Variants in MICAL3 observed in about 807,000 individuals in gnomAD.
The protein encoded by MICAL3 is [F-actin]-monooxygenase MICAL3.
In MICAL3, 62 loss-of-function variants were observed where a neutral mutation model predicts 207.4. The observed-to-expected ratio is 0.30, with a 90% CI of 0.24 to 0.37. The LOEUF is 0.37. Ranked by LOEUF, MICAL3 falls within the 10% of genes least tolerant of loss-of-function variation. MICAL3 has a pLI of 1.00. For missense variants in MICAL3, 2,368 were observed against 2,635.6 expected, an observed-to-expected ratio of 0.90 and a Z score of 2.22; for synonymous variants, 1,077 against 1,069.3, an observed-to-expected ratio of 1.01 and a Z score of -0.14.
chr22:17,969,874 G>A (rs192855217), intron 1 of MICAL3, among the ~76,000 whole-genome samples: 2 of 152,324 alleles, frequency 1.3e-5, no homozygotes, highest in East Asian at 1.9e-4. Flanking sequence ...CTGGGATGCC[G>A]TCTGTGACTT....
At chr22:17,817,222 G>A in intron 26 of MICAL3, 89 bp downstream of exon 26, 1 of 1,428,060 alleles carries the variant, frequency 7.0e-7, no homozygotes, top group Non-Finnish European at 9.3e-7. Flanking sequence ...CGGGGAGCGT[G>A]TGAGTGTGGA....
chr22:17,998,410 G>A (rs888288497), intron 1 of MICAL3, among the ~76,000 whole-genome samples: 7 of 135,874 alleles, frequency 5.2e-5, no homozygotes, highest in Non-Finnish European at 9.6e-5. Context: ...CCTATAAAAT[G>A]GGAATAATAG....
At chr22:17,906,052 T>C (rs758807514) in intron 2 of MICAL3, among the ~76,000 whole-genome samples, 1 of 152,190 alleles carries the variant, frequency 6.6e-6, no homozygotes, top group African/African-American at 2.4e-5. Context: ...CCCAAAGCCG[T>C]GTTCAGACAG....
intron 17 of MICAL3, among the ~76,000 whole-genome samples, chr22:17,869,856 T>C (rs1927531082): frequency 6.6e-6 from 1 of 152,176 alleles, no homozygotes; most frequent in Non-Finnish European, 1.5e-5. Flanking sequence ...ATGGGGTTGT[T>C]GTGAGGACAA....
chr22:17,837,989 G>A (rs775085468), intron 20 of MICAL3, among the ~76,000 whole-genome samples: 1 of 152,200 alleles, frequency 6.6e-6, no homozygotes, highest in Non-Finnish European at 1.5e-5. Context: ...CTAATTTGTA[G>A]AGACTGGATC....
chr22:17,831,201 G>A (rs1205981375), intron 21 of MICAL3, among the ~76,000 whole-genome samples: 3 of 152,144 alleles, frequency 2.0e-5, no homozygotes, highest in Admixed American at 6.5e-5. Flanking sequence ...AGACTTCTGC[G>A]CTGCTGGAGC....
chr22:17,915,737 G>A (rs975751601), intron 1 of MICAL3, among the ~76,000 whole-genome samples: 11 of 152,010 alleles, frequency 7.2e-5, no homozygotes, highest in Non-Finnish European at 1.0e-4. Context: ...ACATGTCAAC[G>A]GCACCAAGCT....
chr22:17,891,910 C>T (rs1930423959), intron 11 of MICAL3, among the ~76,000 whole-genome samples: 1 of 152,240 alleles, frequency 6.6e-6, no homozygotes, highest in African/African-American at 2.4e-5. Flanking sequence ...ACAGCCACAA[C>T]CTGCTGTCCC....
At chr22:17,882,387 C>T (rs1279505124) in intron 16 of MICAL3, among the ~76,000 whole-genome samples, 4 of 152,172 alleles carry the variant, frequency 2.6e-5, no homozygotes. Flanking sequence ...AGAGAAGCAC[C>T]ATGAGTCACA....
chr22:17,828,493 G>A (rs1230246472), intron 21 of MICAL3, among the ~76,000 whole-genome samples: 1 of 152,208 alleles, frequency 6.6e-6, no homozygotes, highest in African/African-American at 2.4e-5. Context: ...TAGAGTCAGG[G>A]GAGGTGATGG....
intron 1 of MICAL3, among the ~76,000 whole-genome samples, chr22:17,938,390 T>C (rs1569139549): frequency 6.6e-6 from 1 of 152,196 alleles, no homozygotes; most frequent in Non-Finnish European, 1.5e-5. Context: ...TAGCTGGACA[T>C]ACGGCCAAGC....
chr22:17,916,077 A>C (rs112922160), intron 1 of MICAL3, among the ~76,000 whole-genome samples: 9,232 of 148,782 alleles, frequency 0.062, 1,018 homozygotes, highest in African/African-American at 0.22. Flanking sequence ...AAAAAAAAAA[A>C]AAACCCAAAA....
rs1224062567 is a variant in MICAL3, at chr22:17,791,275, G to A, written c.5677C>T (p.Leu1893=). The change falls in exon 30 of 32, where the codon CTG becomes TTG. Residue 1893 remains leucine, a synonymous_variant. Coordinates refer to ENST00000441493, the MANE Select transcript of MICAL3 (RefSeq NM_015241.3). The part of the protein sequence containing the change: ...AGMGKKDDPK[L]MQEWFKLVQE... ...ACTAGCTTGAACCACTCCTGCATCA[G>A]CTTGGGGTCGTCCTTCTTGCCCATG... 1 of 1,613,766 alleles carries A rather than the reference G, an allele frequency of 6.2e-7. No individual in the cohort carries two copies. The highest frequency in any genetic ancestry group is 1.7e-5 in the Admixed American group (1 of 59,994).
At chr22:17,794,077 C>G (rs952328500) in intron 29 of MICAL3, among the ~76,000 whole-genome samples, 1 of 152,186 alleles carries the variant, frequency 6.6e-6, no homozygotes, top group Non-Finnish European at 1.5e-5. Context: ...GGCAGCATCA[C>G]AGAGGGGGCG....
intron 29 of MICAL3, among the ~76,000 whole-genome samples, chr22:17,806,133 C>T (rs1255973325): frequency 6.6e-6 from 1 of 152,182 alleles, no homozygotes; most frequent in African/African-American, 2.4e-5. Flanking sequence ...ATCAAGTTTC[C>T]GCCTCTCTCT....
At chr22:17,798,199 G>A (rs546961485) in intron 29 of MICAL3, among the ~76,000 whole-genome samples, 18 of 152,312 alleles carry the variant, frequency 1.2e-4, no homozygotes, top group East Asian at 1.2e-3. Context: ...CTATTTCCAC[G>A]TGAAAATACA....
chr22:18,003,666 C>T (rs931893220), intron 1 of MICAL3, among the ~76,000 whole-genome samples: 2 of 152,338 alleles, frequency 1.3e-5, no homozygotes, highest in South Asian at 4.1e-4. Context: ...TACCAAGCTT[C>T]AGCTCCATCT....
intron 29 of MICAL3, among the ~76,000 whole-genome samples, chr22:17,798,774 C>T (rs904231697): frequency 1.3e-5 from 2 of 148,888 alleles, no homozygotes; most frequent in Admixed American, 6.7e-5. Context: ...CCCGGGTTCA[C>T]GTCATTCTCC....
intron 1 of MICAL3, among the ~76,000 whole-genome samples, chr22:17,964,346 C>A (rs889276142): frequency 6.6e-6 from 1 of 152,184 alleles, no homozygotes; most frequent in African/African-American, 2.4e-5. Flanking sequence ...TATGCAAAGC[C>A]CCGTCTCCCA....
Sources: allele counts gnomAD v4.1 joint callset (sites outside exome capture counted in the v4.1 genomes callset), GRCh38; gene constraint gnomAD v4.1.1; transcripts MANE v1.5; gene names NCBI Gene and HGNC (gene_info 2026-07-23, HGNC 2026-07-21).